The following SORBS2 variants were observed in gnomAD, a reference collection of about 807,000 sequenced individuals.
SORBS2 encodes sorbin and SH3 domain-containing protein 2.
SORBS2 carries 46 observed loss-of-function variants against 97.7 expected under a neutral mutation model. The ratio of observed to expected loss-of-function variants is 0.47; its 90% confidence interval spans 0.37 to 0.60. The LOEUF is 0.60. SORBS2 is among the 20% of genes least tolerant of loss of function. SORBS2 has a pLI of 0.00. For synonymous variants in SORBS2, 476 were observed against 473.4 expected, an observed-to-expected ratio of 1.01 and a Z score of -0.07; for missense variants, 1,316 against 1,282.3, an observed-to-expected ratio of 1.03 and a Z score of -0.40.
At chr4:185,637,649 AG>A (rs2097040220) in intron 4 of SORBS2, among the ~76,000 whole-genome samples, 3 of 152,100 alleles carry the variant, frequency 2.0e-5, no homozygotes, top group African/African-American at 7.2e-5. Flanking sequence ...GGAGGCCTCG[AG>A]GAGATAATGA....
chr4:185,655,501 T>C (rs1408024939), intron 1 of SORBS2, among the ~76,000 whole-genome samples: 1 of 152,186 alleles, frequency 6.6e-6, no homozygotes, highest in Non-Finnish European at 1.5e-5. Context: ...AGAGTCCTCA[T>C]AGACCTGGAC....
Position 185,792,153 on chromosome 4 carries a change from A to G in SORBS2, c.-337-16787T>C, listed in dbSNP as rs73017831. Among the ~76,000 whole-genome samples the G allele has an allele frequency of 3.3e-3, 503 of 152,312 alleles. 2 individuals carry two copies. Among genetic ancestry groups the G allele is most frequent in the African/African-American group, 0.012 (492 of 41,560 alleles). ...TGCTACCTAAATTTCCTTTGGCCCC[A>G]TTCTAGATACATCTCCTTATTTTGA... On this transcript the variant is annotated intron_variant, in intron 1 of 20. Coordinates refer to the SORBS2 transcript ENST00000284776.
intron 1 of SORBS2, among the ~76,000 whole-genome samples, chr4:185,789,452 A>G (rs914965815): frequency 1.3e-5 from 2 of 151,562 alleles, no homozygotes; most frequent in African/African-American, 4.8e-5. Context: ...AGTATAATTT[A>G]TGAAATAAAT....
chr4:185,870,004 T>C (rs950385552), intron 1 of SORBS2, among the ~76,000 whole-genome samples: 4 of 152,240 alleles, frequency 2.6e-5, no homozygotes, highest in Admixed American at 6.5e-5. Flanking sequence ...TGAAAAATCT[T>C]TCTTAATTGT....
chr4:185,690,362 T>A (rs2098070330), intron 2 of SORBS2, among the ~76,000 whole-genome samples, 200 bp downstream of exon 4: 1 of 152,184 alleles, frequency 6.6e-6, no homozygotes, highest in African/African-American at 2.4e-5. Flanking sequence ...GAGCAAGTAA[T>A]AGAAGAGAAA....
chr4:185,880,607 A>G (rs1307360403), intron 1 of SORBS2, among the ~76,000 whole-genome samples: 1 of 152,248 alleles, frequency 6.6e-6, no homozygotes, highest in Non-Finnish European at 1.5e-5. Context: ...AATCTTCTAC[A>G]AAAGTAGCAA....
At chr4:185,895,418 T>C (rs575379848) in intron 1 of SORBS2, among the ~76,000 whole-genome samples, 8 of 152,310 alleles carry the variant, frequency 5.3e-5, no homozygotes, top group Non-Finnish European at 1.0e-4. Context: ...TAGGTTCAGA[T>C]CTCCAGTGGG....
intron 1 of SORBS2, among the ~76,000 whole-genome samples, chr4:185,945,598 T>C (rs534575099): frequency 2.0e-5 from 3 of 152,372 alleles, no homozygotes; most frequent in African/African-American, 7.2e-5. Context: ...ATAGGAAATA[T>C]ATGTTCTTTG....
intron 4 of SORBS2, 116 bp from the exon 8 acceptor site, chr4:185,662,358 CTTAT>C (rs759766465): frequency 1.2e-5 from 13 of 1,060,108 alleles, no homozygotes; most frequent in Admixed American, 2.7e-5. Flanking sequence ...CTGCCAAGCT[CTTAT>C]TTATTTTGAA....
intron 4 of SORBS2, 50 bp downstream of exon 13, chr4:185,646,618 C>A (rs759973801): frequency 2.6e-6 from 3 of 1,150,730 alleles, no homozygotes; most frequent in Non-Finnish European, 3.9e-6. Flanking sequence ...TATTGGGGAG[C>A]CCTGGGAGCC....
intron 12 of SORBS2, among the ~76,000 whole-genome samples, chr4:185,601,455 CT>C (rs2096260093): frequency 2.0e-5 from 3 of 152,190 alleles, no homozygotes; most frequent in Admixed American, 1.3e-4. Flanking sequence ...GAGCTGCCAC[CT>C]GGGACCCATA....
chr4:185,778,642 G>A (rs2099012183), intron 1 of SORBS2, among the ~76,000 whole-genome samples: 1 of 152,130 alleles, frequency 6.6e-6, no homozygotes, highest in Non-Finnish European at 1.5e-5. Context: ...CAGATTTAAT[G>A]ACTCTGGATG....
chr4:185,731,579 C>T (rs1583602886), intron 2 of SORBS2, among the ~76,000 whole-genome samples: 4 of 90,102 alleles, frequency 4.4e-5, no homozygotes, highest in East Asian at 4.0e-4. Flanking sequence ...TCTCTCCTTC[C>T]CTCTCTCCCT....
chr4:185,622,763 A>T, intron 7 of SORBS2, 151 bp downstream of exon 19: 1 of 664,804 alleles, frequency 1.5e-6, no homozygotes, highest in Non-Finnish European at 2.5e-6. Flanking sequence ...ATTCAGTAAG[A>T]CATATTTGCA....
At chr4:185,593,661 G>A in intron 13 of SORBS2, 1 of 514,332 alleles carries the variant, frequency 1.9e-6, no homozygotes, top group African/African-American at 2.0e-5. Flanking sequence ...AGTTTTCCTA[G>A]TGTGTCAATT....
At chr4:185,928,588 C>T (rs2099264872) in intron 1 of SORBS2, among the ~76,000 whole-genome samples, 1 of 152,032 alleles carries the variant, frequency 6.6e-6, no homozygotes, top group Non-Finnish European at 1.5e-5. Context: ...CTCTGTTGCC[C>T]AGGCTGGAGT....
At chr4:185,762,727 T>C (rs868081978) in intron 2 of SORBS2, among the ~76,000 whole-genome samples, 2 of 152,352 alleles carry the variant, frequency 1.3e-5, no homozygotes, top group South Asian at 4.1e-4. Context: ...AACAATGACA[T>C]GAGAAAATTC....
chr4:185,703,858 C>A (rs574094635), intron 2 of SORBS2, among the ~76,000 whole-genome samples: 1 of 152,228 alleles, frequency 6.6e-6, no homozygotes, highest in African/African-American at 2.4e-5. Context: ...TTAAGAAAAG[C>A]AATCTGAATT....
intron 1 of SORBS2, among the ~76,000 whole-genome samples, chr4:185,817,985 C>G (rs1007215691): frequency 6.6e-6 from 1 of 151,974 alleles, no homozygotes; most frequent in Non-Finnish European, 1.5e-5. Flanking sequence ...GGTCCAACAA[C>G]AAGTGGAAAA....
Sources: gnomAD v4.1 joint callset for allele counts (sites outside exome capture counted in the v4.1 genomes callset) on GRCh38, gnomAD v4.1.1 for gene constraint, MANE v1.5 for transcripts, NCBI Gene and HGNC (gene_info 2026-07-23, HGNC 2026-07-21) for gene names.